BICC1: variants seen among roughly 807,000 people sequenced by gnomAD.
BICC1 encodes BicC family RNA binding protein 1, also known as protein bicaudal C homolog 1.
A neutral mutation model predicts 111.0 loss-of-function variants in BICC1; 43 were observed. That is an observed-to-expected ratio of 0.39 (90% confidence interval 0.30 to 0.50). BICC1 has a LOEUF of 0.50. BICC1 is among the 20% of genes least tolerant of loss of function. The probability of loss-of-function intolerance (pLI) is 0.88; values close to 1 mark genes in which losing one functional copy is unlikely to be tolerated. For synonymous variants in BICC1, 467 were observed against 434.4 expected (o/e 1.07, Z -0.93); for missense variants, 1,091 against 1,203.2 (o/e 0.91, Z 1.38).
At chr10:58,786,510 C>G (rs2132794245) in intron 4 of BICC1, among the ~76,000 whole-genome samples, 1 of 152,268 alleles carries the variant, frequency 6.6e-6, no homozygotes, top group Admixed American at 6.5e-5. Flanking sequence ...TTTGTATCAT[C>G]TTAGTTATGC....
chr10:58,584,150 G>T (rs995456731), intron 1 of BICC1, among the ~76,000 whole-genome samples: 4 of 151,958 alleles, frequency 2.6e-5, no homozygotes, highest in African/African-American at 9.7e-5. Flanking sequence ...TCCCATTTCT[G>T]TGAGGTAGAA....
In BICC1 at chr10:58,513,346, C is replaced by T. The variant is rs1304285398; in HGVS notation, c.190+13C>T. On this transcript the variant is annotated intron_variant, in intron 1 of 20. Coordinates refer to ENST00000373886, the MANE Select transcript of BICC1 (RefSeq NM_001080512.3). ...GCCATGTTACAAGGTAGGCATCCCT[C>T]GTGTTCTCGGACTCTCCGACTGAGC... The T allele has an allele frequency of 1.3e-6, 2 of 1,597,822 alleles. No homozygotes were observed. The highest frequency in any genetic ancestry group is 1.3e-5 in the African/African-American group (1 of 74,428).
intron 1 of BICC1, among the ~76,000 whole-genome samples, chr10:58,549,121 C>T (rs1345973736): frequency 1.3e-5 from 2 of 150,604 alleles, no homozygotes; most frequent in Non-Finnish European, 1.5e-5. Context: ...GCTGGGACTA[C>T]AGGCATGAGC....
At chr10:58,799,381 A>T in intron 12 of BICC1, 129 bp downstream of exon 12, 1 of 601,066 alleles carries the variant, frequency 1.7e-6, no homozygotes, top group Non-Finnish European at 2.5e-6. Context: ...AACCCCTGGT[A>T]AAGTTAAAAC....
intron 2 of BICC1, among the ~76,000 whole-genome samples, chr10:58,694,545 C>T (rs919265820): frequency 2.0e-5 from 3 of 152,144 alleles, no homozygotes; most frequent in African/African-American, 4.8e-5. Flanking sequence ...GAAATTCATG[C>T]GTAGTGGAAC....
intron 17 of BICC1, among the ~76,000 whole-genome samples, chr10:58,813,531 C>T (rs577783165): frequency 6.6e-6 from 1 of 152,282 alleles, no homozygotes; most frequent in South Asian, 2.1e-4. Context: ...AGCATCCACT[C>T]TTCCAAATTT....
intron 3 of BICC1, among the ~76,000 whole-genome samples, chr10:58,721,538 C>T (rs760549276): frequency 1.3e-4 from 20 of 152,090 alleles, no homozygotes; most frequent in Admixed American, 9.2e-4. Context: ...CTTTAGAATT[C>T]GTGGCTTGTT....
intron 2 of BICC1, among the ~76,000 whole-genome samples, chr10:58,658,720 T>G (rs1838743302): frequency 6.6e-6 from 1 of 152,182 alleles, no homozygotes; most frequent in Non-Finnish European, 1.5e-5. Context: ...TGTTCCAAAT[T>G]TGGCCAGTAG....
chr10:58,544,028 A>T (rs1426640332), intron 1 of BICC1, among the ~76,000 whole-genome samples: 1 of 152,058 alleles, frequency 6.6e-6, no homozygotes, highest in Non-Finnish European at 1.5e-5. Flanking sequence ...TACAGTTTAA[A>T]AAAGGTAGCA....
intron 3 of BICC1, among the ~76,000 whole-genome samples, chr10:58,775,821 C>A (rs1842735441): frequency 6.6e-6 from 1 of 152,110 alleles, no homozygotes. Context: ...CTTTAAGGAC[C>A]ACTTACCTAA....
intron 2 of BICC1, among the ~76,000 whole-genome samples, chr10:58,684,644 T>C (rs1311215520): frequency 3.9e-5 from 6 of 152,210 alleles, no homozygotes; most frequent in Non-Finnish European, 8.8e-5. Context: ...TTCTTCTAGA[T>C]TTTCTAATTT....
chr10:58,689,223 C>A (rs1249105179), intron 2 of BICC1, among the ~76,000 whole-genome samples: 1 of 152,114 alleles, frequency 6.6e-6, no homozygotes, highest in African/African-American at 2.4e-5. Context: ...GGCATCAGGG[C>A]TACCTGTGCC....
intron 1 of BICC1, among the ~76,000 whole-genome samples, chr10:58,594,589 G>T (rs896559759): frequency 6.6e-6 from 1 of 152,104 alleles, no homozygotes; most frequent in African/African-American, 2.4e-5. Context: ...TTAAAGAAAA[G>T]AATTTTCAAC....
chr10:58,762,496 TTTTG>T (rs1046487370), intron 3 of BICC1, among the ~76,000 whole-genome samples: 18 of 152,108 alleles, frequency 1.2e-4, no homozygotes, highest in Non-Finnish European at 2.2e-4. Context: ...CAGCGTTGTT[TTTTG>T]TTTGTTTGTT....
chr10:58,652,631 T>C (rs1484805417), intron 2 of BICC1, among the ~76,000 whole-genome samples: 3 of 152,152 alleles, frequency 2.0e-5, no homozygotes, highest in African/African-American at 7.2e-5. Context: ...TTATATAATG[T>C]CTTGTTGCCT....
At chr10:58,824,399 T>C (rs981760682) in intron 20 of BICC1, among the ~76,000 whole-genome samples, 2 of 152,196 alleles carry the variant, frequency 1.3e-5, no homozygotes, top group African/African-American at 4.8e-5. Flanking sequence ...TTATTTTTCT[T>C]CTCTCCTAAG....
At chr10:58,799,350 C>A in intron 12 of BICC1, 98 bp downstream of exon 12, 1 of 901,804 alleles carries the variant, frequency 1.1e-6, no homozygotes, top group Non-Finnish European at 1.6e-6. Context: ...TGTGTGTGAT[C>A]TCTGCTGTTT....
At chr10:58,574,879 TTTC>T (rs1021288379) in intron 1 of BICC1, among the ~76,000 whole-genome samples, 5 of 152,252 alleles carry the variant, frequency 3.3e-5, no homozygotes, top group East Asian at 1.9e-4. Flanking sequence ...TGCATTCTCA[TTTC>T]TTCTTCTGCA....
chr10:58,674,332 A>G lies in BICC1; in HGVS notation c.238-27742A>G, dbSNP rs572483559. 1.2e-4 allele frequency among the ~76,000 whole-genome samples: 18 copies of G among 152,154 alleles called. No individual in the cohort carries two copies. The East Asian group carries it at 3.5e-3, about 29-fold the overall frequency. On this transcript the variant is annotated intron_variant, in intron 2 of 20. Coordinates refer to ENST00000373886, the MANE Select transcript of BICC1 (RefSeq NM_001080512.3). The stretch of plus-strand genomic sequence containing the variant: ...TTTTTTTTTCGTGGTAGAGTGAAAT[A>G]ATTTTTGTACCATGTCTGCAGGTCA...
Sources: allele counts gnomAD v4.1 joint callset (sites outside exome capture counted in the v4.1 genomes callset), GRCh38; gene constraint gnomAD v4.1.1; transcripts MANE v1.5; gene names NCBI Gene and HGNC (gene_info 2026-07-23, HGNC 2026-07-21).